The following ABCA13 variants were observed in gnomAD, a reference collection of about 807,000 sequenced individuals.
ABCA13 encodes the protein ATP binding cassette subfamily A member 13.
Under a neutral mutation model 478.7 loss-of-function variants are expected in ABCA13, and 476 were observed. The ratio of observed to expected loss-of-function variants is 0.99; its 90% CI spans 0.92 to 1.07. The LOEUF (loss-of-function observed/expected upper bound fraction) is 1.07, where lower values mean the gene tolerates loss of function less well. Among genes scored for constraint, ABCA13 ranks in the 50% least tolerant of loss-of-function variants. The pLI, the probability that ABCA13 is intolerant of heterozygous loss-of-function variation, is 0.00. For missense variants in ABCA13, 6,060 were observed against 5,910.6 expected, an observed-to-expected ratio of 1.03 and a Z score of -0.83; for synonymous variants, 2,252 against 2,158.9, an observed-to-expected ratio of 1.04 and a Z score of -1.20.
At chr7:48,213,885 A>G (rs1475028800) in intron 3 of ABCA13, among the ~76,000 whole-genome samples, 1 of 152,212 alleles carries the variant, frequency 6.6e-6, no homozygotes. Context: ...TGAGATTGCA[A>G]CAATTCTGTC....
chr7:48,396,490 GC>G (rs1348942666), intron 38 of ABCA13, among the ~76,000 whole-genome samples: 1 of 152,182 alleles, frequency 6.6e-6, no homozygotes, highest in African/African-American at 2.4e-5. Flanking sequence ...GGAGAGGGAA[GC>G]CAGGATCTGA....
intron 24 of ABCA13, among the ~76,000 whole-genome samples, chr7:48,312,041 C>T (rs1293971409): frequency 1.3e-5 from 2 of 152,174 alleles, no homozygotes; most frequent in East Asian, 3.8e-4. Context: ...AAAAGCTACA[C>T]ACCATTTCTC....
intron 59 of ABCA13, among the ~76,000 whole-genome samples, chr7:48,637,381 C>CAAAAAAAAAAAAAAAAAAAAAAAAAA (rs1156643955): frequency 2.0e-4 from 4 of 20,258 alleles, no homozygotes; most frequent in East Asian, 1.7e-3. Context: ...GTTCATAAAG[C>CAAAAAAAAAAAAAAAAAAAAAAAAAA]AAAAAAAAAA....
rs1216544431 is a variant in ABCA13 at position 48,293,204 on chromosome 7, C to CA, written c.8956-2496_8956-2495insA. On this transcript the variant is annotated intron_variant, in intron 20 of 61. Coordinates refer to ENST00000435803, the MANE Select transcript of ABCA13 (RefSeq NM_152701.5). ...TGAGAAGTCTTCAGCCCCCCCCCCG[C>CA]CACACACACACTAAATCTACCTCAG... 1.7e-3 allele frequency among the ~76,000 whole-genome samples: 225 copies of CA among 131,522 alleles called. 14 individuals carry two copies. Among genetic ancestry groups the CA allele is most frequent in the South Asian group, 0.014 (52 of 3,758 alleles). 86.3% of individuals were successfully genotyped at this position (131,522 alleles called of 152,430 possible).
At chr7:48,397,490 A>C (rs930627186) in intron 38 of ABCA13, among the ~76,000 whole-genome samples, 2 of 152,040 alleles carry the variant, frequency 1.3e-5, no homozygotes, top group African/African-American at 2.4e-5. Context: ...AAAAAAAAAG[A>C]ATATGGTAGA....
At chr7:48,254,225 T>A (rs540632227) in intron 15 of ABCA13, among the ~76,000 whole-genome samples, 48 of 152,180 alleles carry the variant, frequency 3.2e-4, no homozygotes, top group Admixed American at 2.9e-3. Flanking sequence ...ATTGTATGCT[T>A]TTCCTATTTT....
intron 3 of ABCA13, among the ~76,000 whole-genome samples, chr7:48,199,098 A>G (rs905924356): frequency 6.6e-6 from 1 of 152,214 alleles, no homozygotes; most frequent in South Asian, 2.1e-4. Flanking sequence ...TATTTAATCT[A>G]TATTTACTAA....
chr7:48,470,094 G>A, intron 44 of ABCA13, among the ~76,000 whole-genome samples: 1 of 152,150 alleles, frequency 6.6e-6, no homozygotes, highest in East Asian at 1.9e-4. Context: ...AAGTCAAAGT[G>A]TATTTTTCGA....
Position 48,510,892 on chromosome 7 carries a change from T to C in ABCA13, c.13525-192T>C, listed in dbSNP as rs77315960. Among the ~76,000 whole-genome samples the C allele has an allele frequency of 9.9e-3, 1,497 of 151,162 alleles. 30 individuals carry two copies. The highest frequency in any genetic ancestry group is 0.034 in the African/African-American group (1,398 of 41,450). ...CTTGAAATACTGGGGGTTCAATGTA[T>C]AAATTGTGGGGGGGTACAACTCAGA... On this transcript the variant is annotated intron_variant, in intron 50 of 61. Coordinates refer to ENST00000435803, the MANE Select transcript of ABCA13 (RefSeq NM_152701.5).
At position 48,335,740 on chromosome 7, in the gene ABCA13, T is replaced by G. The variant is rs567207782; in HGVS notation, c.10113+205T>G. Reference sequence around the variant, plus strand: ...TTACCCATGCAAAATGGTATCGTTGTGAGAATGATTAATAATTTAATAGTA... The same window carrying G: ...TTACCCATGCAAAATGGTATCGTTGGGAGAATGATTAATAATTTAATAGTA... On this transcript the variant is annotated intron_variant, in intron 28 of 61. Coordinates refer to ENST00000435803, the MANE Select transcript of ABCA13 (RefSeq NM_152701.5). Among the ~76,000 whole-genome samples the G allele has an allele frequency of 2.5e-4, 38 of 152,362 alleles. 1 individual carries two copies. Among genetic ancestry groups the G allele is most frequent in the South Asian group, 8.3e-4 (4 of 4,828 alleles).
intron 1 of ABCA13, among the ~76,000 whole-genome samples, chr7:48,191,880 C>T (rs1156344017): frequency 3.9e-5 from 6 of 152,100 alleles, no homozygotes; most frequent in Admixed American, 2.6e-4. Context: ...ATAAAGAAAC[C>T]AAAGTGACCA....
At chr7:48,413,223 T>A (rs1192374579) in intron 41 of ABCA13, among the ~76,000 whole-genome samples, 1 of 152,198 alleles carries the variant, frequency 6.6e-6, no homozygotes, top group African/African-American at 2.4e-5. Flanking sequence ...CATGTAGAGA[T>A]GCCCTCCTCT....
In ABCA13 at chr7:48,239,395, T is replaced by A. The variant is rs749073031; in HGVS notation, c.1052T>A (p.Val351Asp). 3.7e-6 allele frequency: 6 copies of A among 1,612,836 alleles called. No individual in the cohort carries two copies. In the East Asian group the frequency reaches 1.1e-4, roughly 30 times the overall value. The change falls in exon 9 of 62, where the codon GTC (valine) becomes GAC (aspartate). Residue 351 changes from valine to aspartate, a missense_variant. Val to Asp is a radical substitution (Grantham distance 152). Coordinates refer to ENST00000435803, the MANE Select transcript of ABCA13 (RefSeq NM_152701.5). ...YLVHAVSWLRVYQQVFVQWQQ... is the reference protein window; with the variant it reads ...YLVHAVSWLRDYQQVFVQWQQ... The stretch of plus-strand genomic sequence containing the variant: ...GTCCATGCAGTCAGCTGGCTGCGAG[T>A]CTACCAACAGGTGCTGTCCCCTCTC...
rs934363833 is a variant in ABCA13, at chr7:48,646,630, C to T, written c.*1118C>T. On this transcript the variant is annotated 3_prime_UTR_variant, in exon 62 of 62. Transcript: ENST00000435803. ...CGCCTCCTGGGTTCACGCCATTCTC[C>T]TGCCTCAGCCTCCCCAGCAGCTGGG... The T allele has an allele frequency of 6.6e-6, 1 of 152,134 alleles. No homozygotes were observed. The highest frequency in any genetic ancestry group is 2.4e-5 in the African/African-American group (1 of 41,408). 9.4% of individuals were successfully genotyped at this position (152,134 alleles called of 1,614,324 possible).
At chr7:48,579,351 T>C (rs1375112609) in intron 55 of ABCA13, among the ~76,000 whole-genome samples, 1 of 152,184 alleles carries the variant, frequency 6.6e-6, no homozygotes, top group Non-Finnish European at 1.5e-5. Context: ...AGAAGACAGA[T>C]GCAAATAAGT....
At chr7:48,528,163 A>G in intron 54 of ABCA13, 73 bp from the exon 55 acceptor site, 1 of 1,297,964 alleles carries the variant, frequency 7.7e-7, no homozygotes. Context: ...TATAATTTTG[A>G]TTTTATTTAA....
intron 5 of ABCA13, among the ~76,000 whole-genome samples, chr7:48,225,544 A>G (rs1039319882): frequency 6.6e-6 from 1 of 152,190 alleles, no homozygotes. Flanking sequence ...GCAAAAGAAA[A>G]TCTTGGATCA....
intron 58 of ABCA13, among the ~76,000 whole-genome samples, chr7:48,613,694 T>C (rs1386964707): frequency 6.6e-6 from 1 of 151,030 alleles, no homozygotes; most frequent in Non-Finnish European, 1.5e-5. Flanking sequence ...ATTTATGTTT[T>C]CTGGAGCAAG....
At chr7:48,202,681 A>C (rs1798950654) in intron 3 of ABCA13, among the ~76,000 whole-genome samples, 1 of 148,898 alleles carries the variant, frequency 6.7e-6, no homozygotes. Flanking sequence ...CTAGATACAG[A>C]GTGTCAACTG....
Sources: gnomAD v4.1 joint callset for allele counts (sites outside exome capture counted in the v4.1 genomes callset) on GRCh38, gnomAD v4.1.1 for gene constraint, MANE v1.5 for transcripts, NCBI Gene and HGNC (gene_info 2026-07-23, HGNC 2026-07-21) for gene names.